PCDHGB4: variants seen among roughly 807,000 people sequenced by gnomAD.
The protein encoded by PCDHGB4 is protocadherin gamma subfamily B, 4, also known as protocadherin gamma-B4.
PCDHGB4 carries 38 observed loss-of-function variants against 60.5 expected under a neutral mutation model. That is an observed-to-expected ratio of 0.63 (90% confidence interval 0.48 to 0.82). The LOEUF is 0.82. Ranked by LOEUF, PCDHGB4 falls within the 40% of genes least tolerant of loss-of-function variation. The pLI is 0.00. For synonymous variants in PCDHGB4, 456 were observed against 509.7 expected (o/e 0.89, Z 1.42); for missense variants, 1,109 against 1,209.6 (o/e 0.92, Z 1.23).
rs1279890312 is a variant in PCDHGB4, at chr5:141,432,403, G to C, written c.2397+42122G>C. On this transcript the variant is annotated intron_variant, in intron 1 of 3. Transcript: ENST00000519479. This position sits in a 1 kb window ranked among gnomAD's most constrained non-coding sequence, Gnocchi z 6.0. ...CGCCCCTCAGCAGCAACGTGTCGTT[G>C]AGCCTGTTCGTGCTGGACCAGAACG... 1.9e-6 allele frequency: 3 copies of C among 1,614,242 alleles called. No homozygotes were observed. Among genetic ancestry groups the C allele is most frequent in the Non-Finnish European group, 8.5e-7 (1 of 1,180,052 alleles).
In PCDHGB4 at chr5:141,409,582, C is replaced by A. The variant is rs2095287974; in HGVS notation, c.2397+19301C>A. On this transcript the variant is annotated intron_variant, in intron 1 of 3. Coordinates refer to ENST00000519479, the MANE Select transcript of PCDHGB4 (RefSeq NM_003736.4). ...TCGACCAGACGTCCTACGTGGTCCA[C>A]GTGGCCGAGAACAACCCGCCAGGAG... 2.5e-6 allele frequency: 4 copies of A among 1,613,914 alleles called. No homozygotes were observed. The Middle Eastern group carries it at 4.9e-4, about 200-fold the overall frequency.
At position 141,408,301 on chromosome 5, in the gene PCDHGB4, C is replaced by T. The variant is rs1472435921; in HGVS notation, c.2397+18020C>T. 3.1e-6 allele frequency: 5 copies of T among 1,613,756 alleles called. No individual in the cohort carries two copies. In the Admixed American group the frequency reaches 8.3e-5, roughly 27 times the overall value. ...TCTACCCCACCCTGAGTGAGCCGAT[C>T]CGCTACTCGATTCCGGAGGAGCTGG... On this transcript the variant is annotated intron_variant, in intron 1 of 3. Transcript: ENST00000519479.
chr5:141,431,111 G>A lies in PCDHGB4; in HGVS notation c.2397+40830G>A, dbSNP rs2097343539. The A allele has an allele frequency of 1.9e-6, 3 of 1,614,110 alleles. No individual in the cohort carries two copies. Among genetic ancestry groups the A allele is most frequent in the Non-Finnish European group, 2.5e-6 (3 of 1,180,034 alleles). On this transcript the variant is annotated intron_variant, in intron 1 of 3. Coordinates refer to ENST00000519479, the MANE Select transcript of PCDHGB4 (RefSeq NM_003736.4). This position sits in a 1 kb window ranked among gnomAD's most constrained non-coding sequence, Gnocchi z 4.8. ...GATGGAGGATAAAGTGAAAATATAT[G>A]GAGTAGAAGTAGAAGTAAGGGACAT...
At position 141,404,863 on chromosome 5, in the gene PCDHGB4, G is replaced by A. The variant is rs370856862; in HGVS notation, c.2397+14582G>A. 507 of 1,613,746 alleles carry A rather than the reference G, an allele frequency of 3.1e-4. 2 individuals are homozygous for A. The highest frequency in any genetic ancestry group is 3.8e-4 in the Non-Finnish European group (451 of 1,179,902). On this transcript the variant is annotated intron_variant, in intron 1 of 3. Coordinates refer to ENST00000519479, the MANE Select transcript of PCDHGB4 (RefSeq NM_003736.4). ...CTCGGGCCCTGCTAGATAGAGATGC[G>A]CTCAAACAGAGCCTTGTGGTGGCTG...
At chr5:141,434,128 G>A (rs1267483739) in intron 1 of PCDHGB4, among the ~76,000 whole-genome samples, 1 of 152,138 alleles carries the variant, frequency 6.6e-6, no homozygotes, top group Non-Finnish European at 1.5e-5. Flanking sequence ...ACTCCCTTTA[G>A]GCTGATTTCT....
chr5:141,432,797 T>C lies in PCDHGB4; in HGVS notation c.2397+42516T>C, dbSNP rs1591218426. On this transcript the variant is annotated intron_variant, in intron 1 of 3. Coordinates refer to ENST00000519479, the MANE Select transcript of PCDHGB4 (RefSeq NM_003736.4). The surrounding 1 kb of genome is among the most constrained non-coding windows in gnomAD (Gnocchi z 6.0). The stretch of plus-strand genomic sequence containing the variant: ...CCTGGCGGACCTCGGCAGCCTCGAG[T>C]CTCCAGCTAACTCTGAAACCTCAGA... 2.5e-6 allele frequency: 4 copies of C among 1,613,752 alleles called. No individual in the cohort carries two copies. The highest frequency in any genetic ancestry group is 2.7e-5 in the African/African-American group (2 of 74,816).
intron 1 of PCDHGB4, among the ~76,000 whole-genome samples, chr5:141,465,911 A>G (rs540115471): frequency 6.6e-6 from 1 of 152,260 alleles, no homozygotes; most frequent in East Asian, 1.9e-4. Context: ...TCACGAGGTC[A>G]GGATTTCGAG....
intron 1 of PCDHGB4, among the ~76,000 whole-genome samples, chr5:141,444,152 ATTTTTTTTTTTTTTTTTTTTTT>A (rs747671382): frequency 8.9e-5 from 3 of 33,882 alleles, no homozygotes; most frequent in East Asian, 1.0e-3. Flanking sequence ...TGTGTACTGG[ATTTTTTTTTTTTTTTTTTTTTT>A]TTTTTTTTTT....
In PCDHGB4 at chr5:141,489,461, A is replaced by G. The variant is rs1329676538; in HGVS notation, c.2398-5346A>G. 5.0e-6 allele frequency: 8 copies of G among 1,613,832 alleles called. No homozygotes were observed. The highest frequency in any genetic ancestry group is 6.8e-6 in the Non-Finnish European group (8 of 1,179,986). On this transcript the variant is annotated intron_variant, in intron 1 of 3. Transcript: ENST00000519479. This position sits in a 1 kb window ranked among gnomAD's most constrained non-coding sequence, Gnocchi z 4.5. ...TTGGGCTCTGAGGAGAATGGGCGCT[A>G]TTTTTCCCTGAGCTTGATGAGTGGT...
chr5:141,395,081 A>G (rs749375075), intron 1 of PCDHGB4: 3 of 1,614,156 alleles, frequency 1.9e-6, no homozygotes, highest in South Asian at 1.1e-5. Context: ...ATTCCCAGGA[A>G]GTCTCCCTCA....
intron 1 of PCDHGB4, chr5:141,395,454 C>T (rs75588357): frequency 0.043 from 25,805 of 605,332 alleles, 669 homozygotes; most frequent in South Asian, 0.075. Flanking sequence ...ATTGTTCAAC[C>T]ATTTTAAGCC....
intron 1 of PCDHGB4, chr5:141,478,139 G>A: frequency 6.2e-7 from 1 of 1,614,040 alleles, no homozygotes; most frequent in Non-Finnish European, 8.5e-7. Context: ...TGAAGCCCGA[G>A]CCGAGTTCCC....
intron 1 of PCDHGB4, chr5:141,421,703 G>A: frequency 1.2e-6 from 2 of 1,613,946 alleles, no homozygotes; most frequent in Middle Eastern, 1.6e-4. Context: ...CCTAATGCTA[G>A]GGATCCAGAT....
chr5:141,431,867 A>C lies in PCDHGB4; in HGVS notation c.2397+41586A>C. On this transcript the variant is annotated intron_variant, in intron 1 of 3. Transcript: ENST00000519479. The surrounding 1 kb of genome is among the most constrained non-coding windows in gnomAD (Gnocchi z 4.8). ...CAGAGGGACATTAATTGCCCTTTTA[A>C]ATGTAAATGACCAAGATTCTGAGGA... 6.2e-7 allele frequency: 1 copy of C among 1,614,226 alleles called. No individual in the cohort carries two copies. Among genetic ancestry groups the C allele is most frequent in the Non-Finnish European group, 8.5e-7 (1 of 1,180,024 alleles).
intron 1 of PCDHGB4, among the ~76,000 whole-genome samples, chr5:141,464,094 G>A (rs540562188): frequency 7.4e-4 from 112 of 151,988 alleles, no homozygotes; most frequent in Non-Finnish European, 1.1e-3. Context: ...GTGAAACTCC[G>A]TCTCTACTAA....
chr5:141,471,046 C>CTT (rs1170588345), intron 1 of PCDHGB4, among the ~76,000 whole-genome samples: 26 of 113,248 alleles, frequency 2.3e-4, no homozygotes, highest in Non-Finnish European at 3.0e-4. Context: ...CCCAAGCCCT[C>CTT]TTTTTTTTTT....
chr5:141,494,449 G>A (rs185095384), intron 1 of PCDHGB4, among the ~76,000 whole-genome samples: 2 of 152,254 alleles, frequency 1.3e-5, no homozygotes, highest in East Asian at 3.9e-4. Flanking sequence ...CACTTTAGGG[G>A]GCTTTGTCTG....
At chr5:141,419,793 C>T in intron 1 of PCDHGB4, 1 of 1,614,072 alleles carries the variant, frequency 6.2e-7, no homozygotes, top group East Asian at 2.2e-5. Flanking sequence ...CTGCTAGTCG[C>T]TGTAAGAGAT....
chr5:141,388,978 C>G lies in PCDHGB4; in HGVS notation c.1094C>G (p.Ala365Gly). ...MEDAELGTHI[A>G]LLKVRDKDSR... The stretch of plus-strand genomic sequence containing the variant: ...GACGCCGAGCTGGGAACACATATTG[C>G]TTTGCTCAAAGTCCGTGACAAGGAT... Residue 365 changes from alanine (A) to glycine (G), a missense_variant, in exon 1 of 4, where the codon GCT becomes GGT. Ala to Gly is a moderately conservative substitution (Grantham distance 60). Coordinates refer to ENST00000519479, the MANE Select transcript of PCDHGB4 (RefSeq NM_003736.4). 1 of 1,613,972 alleles carries G rather than the reference C, an allele frequency of 6.2e-7. No homozygotes were observed. The highest frequency in any genetic ancestry group is 8.5e-7 in the Non-Finnish European group (1 of 1,179,882).
Sources: gnomAD v4.1 joint callset for allele counts (sites outside exome capture counted in the v4.1 genomes callset) on GRCh38, gnomAD v4.1.1 for gene constraint, Gnocchi (gnomAD v3.1) non-coding constraint, MANE v1.5 for transcripts, NCBI Gene and HGNC (gene_info 2026-07-23, HGNC 2026-07-21) for gene names.